The following CASP8 variants were observed in gnomAD, a reference collection of about 807,000 sequenced individuals.
CASP8 encodes the protein caspase 8.
CASP8 carries 24 observed loss-of-function variants against 46.3 expected under a neutral mutation model. The ratio of observed to expected loss-of-function variants is 0.52; its 90% CI spans 0.38 to 0.73. The LOEUF is 0.73. CASP8 is among the 30% of genes least tolerant of loss of function. CASP8 has a pLI of 0.00. For synonymous variants in CASP8, 188 were observed against 200.4 expected (o/e 0.94, Z 0.52); for missense variants, 460 against 559.0 (o/e 0.82, Z 1.79).
In CASP8 at chr2:201,286,501, A is replaced by C; in HGVS notation, c.1347A>C (p.Glu449Asp). 6.2e-7 allele frequency: 1 copy of C among 1,613,084 alleles called. No individual in the cohort carries two copies. Among genetic ancestry groups the C allele is most frequent in the East Asian group, 2.2e-5 (1 of 44,886 alleles). ...ILTILTEVNYEVSNKDDKKNM... is the reference protein window; with the variant it reads ...ILTILTEVNYDVSNKDDKKNM... ...CCATCCTGACTGAAGTGAACTATGA[A>C]GTAAGCAACAAGGATGACAAGAAAA... Residue 449 changes from glutamate (E) to aspartate (D), a missense_variant, in exon 9 of 9, where the codon GAA becomes GAC. Coordinates refer to ENST00000673742, the MANE Select transcript of CASP8 (RefSeq NM_001372051.1).
intron 2 of CASP8, chr2:201,242,663 A>G (rs528695372): frequency 4.6e-5 from 7 of 152,310 alleles, no homozygotes; most frequent in South Asian, 2.1e-4. Flanking sequence ...TAACATCCCA[A>G]TGGATTTTTT....
In CASP8 at chr2:201,274,631, C is replaced by T. The variant is rs148664726; in HGVS notation, c.596-258C>T. Reference sequence around the variant, plus strand: ...CTGGGACTACAGGTGGCTACCACCACGCCCGGCTAATTTTTTTGTACTTTT... The same window carrying T: ...CTGGGACTACAGGTGGCTACCACCATGCCCGGCTAATTTTTTTGTACTTTT... On this transcript the variant is annotated intron_variant, in intron 5 of 8. Coordinates refer to ENST00000673742, the MANE Select transcript of CASP8 (RefSeq NM_001372051.1). Among the ~76,000 whole-genome samples the T allele has an allele frequency of 5.8e-3, 887 of 152,286 alleles. 5 individuals are homozygous for T. The highest frequency in any genetic ancestry group is 0.018 in the South Asian group (88 of 4,824).
At chr2:201,248,828 C>T (rs1946647088) in intron 2 of CASP8, among the ~76,000 whole-genome samples, 1 of 152,110 alleles carries the variant, frequency 6.6e-6, no homozygotes, top group Non-Finnish European at 1.5e-5. Flanking sequence ...CTTTTTGTGT[C>T]CTTTTTGAGT....
At chr2:201,247,213 A>C (rs955385089) in intron 2 of CASP8, among the ~76,000 whole-genome samples, 4 of 137,026 alleles carry the variant, frequency 2.9e-5, no homozygotes, top group Non-Finnish European at 1.6e-5. Flanking sequence ...AAAAAAAAAA[A>C]AAGAAGAATT....
chr2:201,260,465 C>T, upstream of CASP8: 1 of 845,022 alleles, frequency 1.2e-6, no homozygotes, highest in East Asian at 1.2e-4. Flanking sequence ...TCTTTCCCCT[C>T]TAGTGTTTGT....
At chr2:201,275,017 T>G in intron 6 of CASP8, 64 bp downstream of exon 6, 1 of 162,900 alleles carries the variant, frequency 6.1e-6, no homozygotes, top group Non-Finnish European at 1.0e-5. Flanking sequence ...ATTTGTTAGC[T>G]TTTTTTTTTT....
chr2:201,246,899 A>T (rs1576217953), intron 2 of CASP8, among the ~76,000 whole-genome samples: 1 of 102,738 alleles, frequency 9.7e-6, no homozygotes, highest in African/African-American at 3.2e-5. Context: ...TTTGCTTAGA[A>T]TTTTAGGAAG....
At chr2:201,273,048 T>A in intron 5 of CASP8, 106 bp downstream of exon 5, 2 of 827,966 alleles carry the variant, frequency 2.4e-6, no homozygotes, top group Non-Finnish European at 3.8e-6. Context: ...ACGTGCCTGC[T>A]CTACTTTTTC....
At chr2:201,256,633 T>G (rs1355378559), upstream of CASP8, among the ~76,000 whole-genome samples, 1 of 152,224 alleles carries the variant, frequency 6.6e-6, no homozygotes. Flanking sequence ...GAAAAATCTC[T>G]GTTTTTGGCT....
Position 201,276,835 on chromosome 2 carries a change from C to A in CASP8, c.669C>A (p.Asp223Glu). ...GGGTTTTTGTTTTCCAGACTTTGGA[C>A]AAAGTTTACCAAATGAAAAGCAAAC... ...REQDSESQTL[D>E]KVYQMKSKPR... The change falls in exon 7 of 9, where the codon GAC (aspartate) becomes GAA (glutamate). Residue 223 changes from aspartate (D) to glutamate (E), a missense_variant. Coordinates refer to ENST00000673742, the MANE Select transcript of CASP8 (RefSeq NM_001372051.1). 1 of 1,614,070 alleles carries A rather than the reference C, an allele frequency of 6.2e-7. No homozygotes were observed. Among genetic ancestry groups the A allele is most frequent in the Non-Finnish European group, 8.5e-7 (1 of 1,179,978 alleles).
Position 201,272,581 on chromosome 2 carries a change from A to C in CASP8, c.412-57A>C. ...ATTGGAAATTAAAAAAAAAAATCTAATCTAAAAACCAGTAGGGCTCAATCC... is the reference window on the plus strand; with the variant it reads ...ATTGGAAATTAAAAAAAAAAATCTACTCTAAAAACCAGTAGGGCTCAATCC... On this transcript the variant is annotated intron_variant, in intron 3 of 8. Transcript: ENST00000673742. The surrounding 1 kb of genome is among the most constrained non-coding windows in gnomAD (Gnocchi z 4.4). 1.3e-6 allele frequency: 2 copies of C among 1,595,870 alleles called. No individual in the cohort carries two copies. The highest frequency in any genetic ancestry group is 1.7e-6 in the Non-Finnish European group (2 of 1,167,606).
At chr2:201,243,155 C>T (rs1946373342) in intron 2 of CASP8, among the ~76,000 whole-genome samples, 1 of 152,062 alleles carries the variant, frequency 6.6e-6, no homozygotes, top group African/African-American at 2.4e-5. Flanking sequence ...ATCTGCTGTA[C>T]AACATTGTAC....
chr2:201,251,467 T>A lies in CASP8; in HGVS notation c.-26-14994T>A, dbSNP rs1946774645. The stretch of plus-strand genomic sequence containing the variant: ...AAAATTAGCTGGGCGTGGTGGCGTG[T>A]GCCTGTAATCCCAGCTACTCAGGAA... On this transcript the variant is annotated intron_variant, in intron 2 of 6. Transcript: ENST00000264274. Among the ~76,000 whole-genome samples, 3 of 149,492 alleles carry A rather than the reference T, an allele frequency of 2.0e-5. No individual in the cohort carries two copies. In the South Asian group the frequency reaches 6.4e-4, roughly 32 times the overall value.
At chr2:201,270,056 ATTTTAC>A (rs1287515475) in intron 2 of CASP8, among the ~76,000 whole-genome samples, 1 of 152,148 alleles carries the variant, frequency 6.6e-6, no homozygotes, top group African/African-American at 2.4e-5. Context: ...TATTTTCAGA[ATTTTAC>A]TTTTCTAATT....
chr2:201,259,954 T>C (rs1947271349), upstream of CASP8, among the ~76,000 whole-genome samples: 1 of 151,044 alleles, frequency 6.6e-6, no homozygotes, highest in East Asian at 1.9e-4. Context: ...AGGTTTTTCA[T>C]TTTAGAGTTT....
At chr2:201,277,771 G>T (rs1409945373) in intron 7 of CASP8, 4 of 403,566 alleles carry the variant, frequency 9.9e-6, no homozygotes, top group Non-Finnish European at 1.9e-5. Context: ...TGTGATCTCA[G>T]CTCACTGCAG....
upstream of CASP8, chr2:201,257,996 C>T: frequency 1.9e-6 from 1 of 515,514 alleles, no homozygotes; most frequent in Non-Finnish European, 3.5e-6. Flanking sequence ...GGAAATTGGG[C>T]ATCTGTTCCT....
At position 201,276,984 on chromosome 2, in the gene CASP8, A is replaced by G; in HGVS notation, c.802+16A>G. ...TTGGATGCAGGTACAGTAGAACCCA[A>G]AAGAGAAAAGTAAAATATTTCTTAT... On this transcript the variant is annotated intron_variant, in intron 7 of 8. Transcript: ENST00000673742. The G allele has an allele frequency of 2.5e-6, 4 of 1,584,588 alleles. No homozygotes were observed. Among genetic ancestry groups the G allele is most frequent in the Non-Finnish European group, 2.6e-6 (3 of 1,153,158 alleles).
chr2:201,260,375 C>T (rs1348013299), upstream of CASP8: 1 of 202,976 alleles, frequency 4.9e-6, no homozygotes, highest in East Asian at 1.9e-4. Flanking sequence ...CGTGCGGTCT[C>T]CTGGACCACC....
Sources: allele counts gnomAD v4.1 joint callset (sites outside exome capture counted in the v4.1 genomes callset), GRCh38; gene constraint gnomAD v4.1.1; non-coding constraint Gnocchi (gnomAD v3.1); transcripts MANE v1.5; gene names NCBI Gene and HGNC (gene_info 2026-07-23, HGNC 2026-07-21).